Variants in SLC30A8 observed in about 807,000 individuals in gnomAD.
SLC30A8 encodes proton-coupled zinc antiporter SLC30A8.
In SLC30A8, 27 loss-of-function variants were observed where a neutral mutation model predicts 36.9. The ratio of observed to expected loss-of-function variants is 0.73; its 90% confidence interval spans 0.54 to 1.01. The LOEUF is 1.01. Ranked by LOEUF, SLC30A8 falls within the 50% of genes least tolerant of loss-of-function variation. SLC30A8 has a pLI of 0.00. For missense variants in SLC30A8, 439 were observed against 452.0 expected, an observed-to-expected ratio of 0.97 and a Z score of 0.26; for synonymous variants, 164 against 172.4, an observed-to-expected ratio of 0.95 and a Z score of 0.38.
At chr8:117,065,232 A>G (rs889177603) in intron 2 of SLC30A8, among the ~76,000 whole-genome samples, 1 of 152,190 alleles carries the variant, frequency 6.6e-6, no homozygotes, top group Admixed American at 6.6e-5. Context: ...AAAGCCTTAT[A>G]AATATATGAG....
At position 116,968,981 on chromosome 8, in the gene SLC30A8, C is replaced by T. The variant is rs142953397; in HGVS notation, c.-266+17862C>T. Among the ~76,000 whole-genome samples the T allele has an allele frequency of 2.1e-4, 32 of 152,116 alleles. No homozygotes were observed. In the East Asian group the frequency reaches 4.5e-3, roughly 21 times the overall value. ...CCATCTCTTGACCTTGTGATGTGCCCGCCTCAGTCTCCCAAAGTACTGGGA... is the reference window on the plus strand; with the variant it reads ...CCATCTCTTGACCTTGTGATGTGCCTGCCTCAGTCTCCCAAAGTACTGGGA... On this transcript the variant is annotated intron_variant, in intron 1 of 10. Transcript: ENST00000427715.
rs188213111 is a variant in SLC30A8, at chr8:117,176,396, T to C, written c.*3715T>C. 20 of 152,624 alleles carry C rather than the reference T, an allele frequency of 1.3e-4. No homozygotes were observed. In the East Asian group the frequency reaches 3.1e-3, roughly 24 times the overall value. 9.5% of individuals were successfully genotyped at this position (152,624 alleles called of 1,614,324 possible). ...AAATGATTTTCTCAGCTCATCTCTC[T>C]GTATTCCCTGTTTTGGATCACAGGG... On this transcript the variant is annotated 3_prime_UTR_variant, in exon 8 of 8. Coordinates refer to ENST00000456015, the MANE Select transcript of SLC30A8 (RefSeq NM_173851.3).
intron 1 of SLC30A8, among the ~76,000 whole-genome samples, chr8:116,979,238 CAAAAAAAAAAAA>C (rs67998633): frequency 1.6e-5 from 1 of 64,308 alleles, no homozygotes; most frequent in African/African-American, 5.8e-5. Context: ...GACCCTGTCT[CAAAAAAAAAAAA>C]AAAAAAAAAA....
intron 1 of SLC30A8, among the ~76,000 whole-genome samples, chr8:117,023,877 T>C (rs1023627152): frequency 6.6e-6 from 1 of 152,106 alleles, no homozygotes; most frequent in Non-Finnish European, 1.5e-5. Flanking sequence ...AAAAGAACAT[T>C]ATCACCCTAA....
intron 2 of SLC30A8, among the ~76,000 whole-genome samples, chr8:117,041,725 G>C (rs1817394691): frequency 6.6e-6 from 1 of 151,974 alleles, no homozygotes; most frequent in Non-Finnish European, 1.5e-5. Context: ...AATTCTGATG[G>C]TTGAGGGAAT....
At chr8:117,153,164 C>A in intron 3 of SLC30A8, 74 bp downstream of exon 3, 2 of 1,408,314 alleles carry the variant, frequency 1.4e-6, no homozygotes, top group Non-Finnish European at 9.5e-7. Flanking sequence ...GTGGAAGACA[C>A]GAAGCAAAGC....
chr8:116,996,916 GT>G (rs138033124), intron 1 of SLC30A8, among the ~76,000 whole-genome samples: 3,779 of 151,754 alleles, frequency 0.025, 171 homozygotes, highest in African/African-American at 0.087. Flanking sequence ...TGTTTGCATT[GT>G]TTCCTAAGTA....
chr8:117,163,775 TAAA>T (rs1822912745), intron 6 of SLC30A8, among the ~76,000 whole-genome samples: 3 of 152,100 alleles, frequency 2.0e-5, no homozygotes, highest in African/African-American at 4.8e-5. Flanking sequence ...ACAGTAAGTA[TAAA>T]CACCATGCGG....
At chr8:116,985,157 A>G (rs1214996493) in intron 1 of SLC30A8, among the ~76,000 whole-genome samples, 5 of 152,028 alleles carry the variant, frequency 3.3e-5, no homozygotes, top group African/African-American at 9.7e-5. Flanking sequence ...AGAAATGTAG[A>G]AAGGTCAAAT....
intron 1 of SLC30A8, among the ~76,000 whole-genome samples, chr8:116,975,967 C>T (rs1193838552): frequency 2.6e-5 from 4 of 152,274 alleles, no homozygotes; most frequent in Admixed American, 6.5e-5. Flanking sequence ...AAGACAGCTC[C>T]TGTTCAAATA....
chr8:117,092,855 G>T (rs940206074), intron 2 of SLC30A8, among the ~76,000 whole-genome samples: 12 of 152,180 alleles, frequency 7.9e-5, no homozygotes, highest in African/African-American at 2.7e-4. Flanking sequence ...CTTCGGACTG[G>T]AGTGAGAGTC....
At chr8:116,985,396 C>G (rs1457376276) in intron 1 of SLC30A8, among the ~76,000 whole-genome samples, 5 of 151,562 alleles carry the variant, frequency 3.3e-5, no homozygotes, top group Non-Finnish European at 5.9e-5. Flanking sequence ...GCAGCAGTAT[C>G]TAAAGATCAT....
chr8:117,021,121 T>A (rs13251837), intron 1 of SLC30A8, among the ~76,000 whole-genome samples: 16,930 of 152,232 alleles, frequency 0.11, 1,170 homozygotes, highest in East Asian at 0.18. Context: ...CAGTTACCTT[T>A]TAAATGGTTA....
chr8:117,126,036 C>A (rs1001744302), intron 2 of SLC30A8, among the ~76,000 whole-genome samples: 10 of 151,904 alleles, frequency 6.6e-5, no homozygotes, highest in African/African-American at 2.2e-4. Flanking sequence ...GTTTTCCCCC[C>A]TCGATGAAGC....
intron 2 of SLC30A8, among the ~76,000 whole-genome samples, chr8:117,110,702 G>A (rs902044558): frequency 2.0e-5 from 3 of 152,178 alleles, no homozygotes; most frequent in Admixed American, 6.5e-5. Flanking sequence ...GTGAGAACTG[G>A]TGTGATGTAC....
chr8:117,107,711 GA>G (rs1820051473), intron 2 of SLC30A8, among the ~76,000 whole-genome samples: 1 of 152,160 alleles, frequency 6.6e-6, no homozygotes, highest in East Asian at 1.9e-4. Flanking sequence ...TTGGATATTT[GA>G]GCGATAAACA....
chr8:117,037,474 T>C (rs1002201773), intron 1 of SLC30A8, among the ~76,000 whole-genome samples: 3 of 152,122 alleles, frequency 2.0e-5, no homozygotes, highest in African/African-American at 7.2e-5. Context: ...ATGGGATGAA[T>C]ACGTGAGCAG....
intron 2 of SLC30A8, among the ~76,000 whole-genome samples, chr8:117,098,931 G>A (rs963263024): frequency 1.6e-4 from 24 of 152,158 alleles, no homozygotes; most frequent in African/African-American, 5.6e-4. Context: ...AGAAACCAGA[G>A]ACACCAAGTG....
At chr8:117,082,038 T>C (rs1029048489) in intron 2 of SLC30A8, among the ~76,000 whole-genome samples, 3 of 152,316 alleles carry the variant, frequency 2.0e-5, no homozygotes, top group Admixed American at 2.0e-4. Flanking sequence ...ATCTCCTGAG[T>C]CCCTGAGATA....
Sources: allele counts gnomAD v4.1 joint callset (sites outside exome capture counted in the v4.1 genomes callset), GRCh38; gene constraint gnomAD v4.1.1; transcripts MANE v1.5; gene names NCBI Gene and HGNC (gene_info 2026-07-23, HGNC 2026-07-21).